The following NEK1 variants were observed in gnomAD, a reference collection of about 807,000 sequenced individuals.
NEK1 encodes the protein serine/threonine-protein kinase Nek1.
In NEK1, 137 loss-of-function variants were observed where a neutral mutation model predicts 182.1. The observed-to-expected ratio is 0.75, with a 90% CI of 0.65 to 0.87. NEK1 has a LOEUF of 0.87. Among genes scored for constraint, NEK1 ranks in the 40% least tolerant of loss-of-function variants. NEK1 has a pLI of 0.00. For missense variants in NEK1, 1,391 were observed against 1,494.4 expected (o/e 0.93, Z 1.14); for synonymous variants, 513 against 492.2 (o/e 1.04, Z -0.56).
intron 29 of NEK1, 108 bp from the exon 30 acceptor site, chr4:169,426,342 T>C (rs1334632942): frequency 1.2e-6 from 1 of 804,336 alleles, no homozygotes; most frequent in Non-Finnish European, 2.1e-6. Context: ...CATTCTTTGA[T>C]CCCTCTTCCA....
At chr4:169,483,583 T>C (rs1748486042) in intron 23 of NEK1, among the ~76,000 whole-genome samples, 2 of 152,102 alleles carry the variant, frequency 1.3e-5, no homozygotes, top group Admixed American at 1.3e-4. Flanking sequence ...TTACTACAAA[T>C]AGGCCGGGCG....
At chr4:169,453,450 CAT>C (rs1332469708) in intron 27 of NEK1, among the ~76,000 whole-genome samples, 1 of 152,198 alleles carries the variant, frequency 6.6e-6, no homozygotes, top group Non-Finnish European at 1.5e-5. Flanking sequence ...AAAATCTGGC[CAT>C]AAACTGGCCC....
In NEK1 at chr4:169,565,144, A is replaced by G. The variant is rs72692945; in HGVS notation, c.1021-2948T>C. On this transcript the variant is annotated intron_variant, in intron 12 of 35. Transcript: ENST00000507142. ...ACCACTTTACCTCAGAAAAGACATT[A>G]GAGTTGATGAGATAAAAACAATACT... Among the ~76,000 whole-genome samples, 546 of 152,356 alleles carry G rather than the reference A, an allele frequency of 3.6e-3. 3 individuals carry two copies. The highest frequency in any genetic ancestry group is 0.022 in the South Asian group (105 of 4,834).
rs552598071 is a variant in NEK1 at position 169,505,657 on chromosome 4, T to C, written c.2007+1380A>G. Among the ~76,000 whole-genome samples the C allele has an allele frequency of 3.5e-3, 540 of 152,328 alleles. 1 individual carries two copies. The highest frequency in any genetic ancestry group is 6.3e-3 in the Non-Finnish European group (426 of 68,032). ...GGTCAATAGTAGAGTGGTTATAATA[T>C]GCCTGGCATAAAACAAGCAATAAAC... On this transcript the variant is annotated intron_variant, in intron 23 of 35. Transcript: ENST00000507142.
At chr4:169,562,958 T>C (rs1181323205) in intron 12 of NEK1, among the ~76,000 whole-genome samples, 1 of 152,228 alleles carries the variant, frequency 6.6e-6, no homozygotes, top group Non-Finnish European at 1.5e-5. Flanking sequence ...ATTCATGTTA[T>C]TATTTATATC....
intron 19 of NEK1, among the ~76,000 whole-genome samples, chr4:169,515,738 T>A (rs1580392972): frequency 1.3e-5 from 1 of 79,432 alleles, no homozygotes; most frequent in East Asian, 3.6e-4. Flanking sequence ...CACCTATGAG[T>A]GAGAATATGC....
At chr4:169,558,108 G>T (rs1762406503) in intron 16 of NEK1, among the ~76,000 whole-genome samples, 1 of 151,960 alleles carries the variant, frequency 6.6e-6, no homozygotes, top group African/African-American at 2.4e-5. Context: ...GTTATAAGGT[G>T]GTCATATTTC....
At chr4:169,461,879 T>C (rs1323046805) in intron 27 of NEK1, among the ~76,000 whole-genome samples, 1 of 152,062 alleles carries the variant, frequency 6.6e-6, no homozygotes, top group Admixed American at 6.6e-5. Flanking sequence ...ATCTAACATA[T>C]AATAGTGAAC....
intron 26 of NEK1, among the ~76,000 whole-genome samples, chr4:169,464,195 G>A (rs1744504521): frequency 6.6e-6 from 1 of 151,890 alleles, no homozygotes; most frequent in Admixed American, 6.6e-5. Context: ...AAAAAAAAGA[G>A]AGACATACCA....
intron 27 of NEK1, among the ~76,000 whole-genome samples, chr4:169,448,886 G>C (rs1741122944): frequency 6.6e-6 from 1 of 152,238 alleles, no homozygotes; most frequent in Admixed American, 6.5e-5. Flanking sequence ...TGAGTCGGGG[G>C]ATTTCCCTTT....
intron 4 of NEK1, 34 bp downstream of exon 4, chr4:169,601,974 G>T: frequency 6.9e-7 from 1 of 1,446,268 alleles, no homozygotes; most frequent in South Asian, 1.2e-5. Context: ...TAATGTCTTA[G>T]GATTTTTTAA....
chr4:169,562,601 C>A (rs1025192590), intron 12 of NEK1, among the ~76,000 whole-genome samples: 4 of 152,074 alleles, frequency 2.6e-5, no homozygotes, highest in African/African-American at 9.7e-5. Context: ...TTGCTCTCCA[C>A]CTCCAGAGTA....
intron 10 of NEK1, 35 bp downstream of exon 10, chr4:169,585,314 C>A (rs941838371): frequency 2.6e-6 from 4 of 1,528,240 alleles, no homozygotes; most frequent in Admixed American, 1.7e-5. Context: ...AGCAACATAA[C>A]CCTACTGTTT....
In NEK1 at chr4:169,507,793, C is replaced by A; in HGVS notation, c.1834-1G>T. 6.2e-7 allele frequency: 1 copy of A among 1,610,300 alleles called. No individual in the cohort carries two copies. Among genetic ancestry groups the A allele is most frequent in the Admixed American group, 1.7e-5 (1 of 59,962 alleles). On this transcript the variant is annotated splice_acceptor_variant, in intron 21 of 35. Coordinates refer to ENST00000507142, the MANE Select transcript of NEK1 (RefSeq NM_001199397.3). LOFTEE classifies it high-confidence loss of function. ...GTCCTTCAGAATGATTAGCTTCTTT[C>A]TACAAAATAAGTAGATAAGCAAATC... is the stretch of plus-strand genomic sequence containing the variant.
intron 26 of NEK1, among the ~76,000 whole-genome samples, chr4:169,463,963 A>G (rs980360404): frequency 3.3e-5 from 5 of 152,118 alleles, no homozygotes; most frequent in African/African-American, 1.2e-4. Context: ...TCTTATACAC[A>G]TAGACTTGAG....
intron 9 of NEK1, among the ~76,000 whole-genome samples, chr4:169,586,643 C>A (rs1767583665): frequency 6.6e-6 from 1 of 151,678 alleles, no homozygotes; most frequent in South Asian, 2.1e-4. Flanking sequence ...AAAAACTGAT[C>A]AATTATTTCA....
chr4:169,418,733 A>G (rs1173566703), intron 31 of NEK1, among the ~76,000 whole-genome samples: 2 of 152,220 alleles, frequency 1.3e-5, no homozygotes, highest in African/African-American at 4.8e-5. Flanking sequence ...CAAAATGAAC[A>G]TAATCTTAGT....
At chr4:169,559,909 T>C (rs1232575586) in intron 16 of NEK1, among the ~76,000 whole-genome samples, 1 of 152,126 alleles carries the variant, frequency 6.6e-6, no homozygotes, top group East Asian at 1.9e-4. Context: ...CTCCGGAGGC[T>C]GAGGCAGGAG....
chr4:169,580,829 A>C lies in NEK1; in HGVS notation c.868+13T>G. ...GCAAACAGATGAAAGGCTTCATATC[A>C]GATTTCATTTACCTGGTATAGGCTG... On this transcript the variant is annotated intron_variant, in intron 11 of 35. Coordinates refer to ENST00000507142, the MANE Select transcript of NEK1 (RefSeq NM_001199397.3). 3 of 1,482,332 alleles carry C rather than the reference A, an allele frequency of 2.0e-6. No homozygotes were observed. Among genetic ancestry groups the C allele is most frequent in the South Asian group, 1.2e-5 (1 of 81,818 alleles). 91.8% of individuals were successfully genotyped at this position (1,482,332 alleles called of 1,614,324 possible).
Sources: allele counts gnomAD v4.1 joint callset (sites outside exome capture counted in the v4.1 genomes callset), GRCh38; gene constraint gnomAD v4.1.1; transcripts MANE v1.5; gene names NCBI Gene and HGNC (gene_info 2026-07-23, HGNC 2026-07-21).